LRP1B: variants seen among roughly 807,000 people sequenced by gnomAD.
The protein encoded by LRP1B is LDL receptor related protein 1B, also known as low-density lipoprotein receptor-related protein 1B.
In LRP1B, 217 loss-of-function variants were observed where a neutral mutation model predicts 556.6. The ratio of observed to expected loss-of-function variants is 0.39; its 90% CI spans 0.35 to 0.44. The LOEUF is 0.44. Ranked by LOEUF, LRP1B falls within the 20% of genes least tolerant of loss-of-function variation. The pLI, the probability that LRP1B is intolerant of heterozygous loss-of-function variation, is 1.00. For missense variants in LRP1B, 5,053 were observed against 5,620.8 expected (o/e 0.90, Z 3.23); for synonymous variants, 2,047 against 1,865.8 (o/e 1.10, Z -2.50).
chr2:141,261,175 G>A (rs1684669442), intron 3 of LRP1B, among the ~76,000 whole-genome samples: 1 of 152,102 alleles, frequency 6.6e-6, no homozygotes, highest in African/African-American at 2.4e-5. Flanking sequence ...GTAAAATGCA[G>A]TGTGAGCTGG....
chr2:140,375,824 A>G (rs914179898), intron 68 of LRP1B, among the ~76,000 whole-genome samples: 14 of 152,240 alleles, frequency 9.2e-5, no homozygotes, highest in African/African-American at 3.4e-4. Context: ...TGTGTGTGCC[A>G]CAGAGATAAA....
At chr2:140,856,582 C>A (rs1186136281) in intron 27 of LRP1B, among the ~76,000 whole-genome samples, 1 of 152,078 alleles carries the variant, frequency 6.6e-6, no homozygotes, top group East Asian at 1.9e-4. Context: ...GCTACTATAA[C>A]ACAAAAGCAG....
intron 85 of LRP1B, among the ~76,000 whole-genome samples, chr2:140,272,277 A>T (rs1682497655): frequency 6.6e-6 from 1 of 151,506 alleles, no homozygotes; most frequent in Admixed American, 6.6e-5. Context: ...ACACACACAC[A>T]CACACACACA....
At position 140,907,917 on chromosome 2, in the gene LRP1B, T is replaced by C. The variant is rs755784459; in HGVS notation, c.3480A>G (p.Lys1160=). The change falls in exon 22 of 91, where the codon AAA becomes AAG. Residue 1160 remains lysine, a synonymous_variant. Transcript: ENST00000389484. The part of the protein sequence containing the change: ...CLQPEKLCNG[K]KDCPDGSDEG... ...CATCAGAGCCATCAGGACAATCCTT[T>C]TTCCCATTGCAGAGTTTCTCTGGCT... 15 of 1,613,464 alleles carry C rather than the reference T, an allele frequency of 9.3e-6. No homozygotes were observed. The South Asian group carries it at 1.6e-4, about 18-fold the overall frequency.
chr2:140,746,851 A>G (rs1279897007), intron 35 of LRP1B, among the ~76,000 whole-genome samples: 1 of 152,122 alleles, frequency 6.6e-6, no homozygotes, highest in Non-Finnish European at 1.5e-5. Flanking sequence ...CATTAACAAC[A>G]AAGAAGAATA....
At chr2:141,441,792 G>A (rs1470181259) in intron 3 of LRP1B, among the ~76,000 whole-genome samples, 3 of 152,156 alleles carry the variant, frequency 2.0e-5, no homozygotes, top group Non-Finnish European at 4.4e-5. Flanking sequence ...CTACAGTCTT[G>A]AAAGATTTTC....
intron 86 of LRP1B, among the ~76,000 whole-genome samples, chr2:140,269,024 AT>A (rs1682335630): frequency 6.6e-6 from 1 of 151,992 alleles, no homozygotes; most frequent in African/African-American, 2.4e-5. Context: ...TAGCAAATGT[AT>A]TTTTATTAGA....
intron 3 of LRP1B, among the ~76,000 whole-genome samples, chr2:141,311,266 T>C (rs897606055): frequency 6.6e-6 from 1 of 152,184 alleles, no homozygotes; most frequent in South Asian, 2.1e-4. Flanking sequence ...TTTGTTGTAA[T>C]CTTTTTTCTC....
At chr2:140,822,503 T>C (rs2105057199) in intron 31 of LRP1B, among the ~76,000 whole-genome samples, 1 of 152,312 alleles carries the variant, frequency 6.6e-6, no homozygotes, top group Admixed American at 6.5e-5. Context: ...ATAAAAACAA[T>C]TCCTCAAACT....
intron 43 of LRP1B, among the ~76,000 whole-genome samples, chr2:140,583,769 A>AT (rs55717381): frequency 0.22 from 33,757 of 151,848 alleles, 3,891 homozygotes; most frequent in Admixed American, 0.29. Context: ...CTTGATTTTT[A>AT]TTTTTTTATA....
At chr2:141,491,188 C>T (rs1443857269) in intron 2 of LRP1B, among the ~76,000 whole-genome samples, 1 of 152,080 alleles carries the variant, frequency 6.6e-6, no homozygotes, top group Non-Finnish European at 1.5e-5. Flanking sequence ...AAAGTTGGCT[C>T]TCTGACTTTT....
intron 2 of LRP1B, among the ~76,000 whole-genome samples, chr2:141,784,140 A>T (rs1014495607): frequency 7.2e-5 from 11 of 151,972 alleles, no homozygotes; most frequent in Non-Finnish European, 1.6e-4. Flanking sequence ...TCCTTGACAG[A>T]TATACAAGGT....
At chr2:141,224,259 T>C (rs1683157253) in intron 6 of LRP1B, among the ~76,000 whole-genome samples, 1 of 152,150 alleles carries the variant, frequency 6.6e-6, no homozygotes, top group Non-Finnish European at 1.5e-5. Context: ...TCAACATCAC[T>C]GATTAGAGAA....
intron 2 of LRP1B, among the ~76,000 whole-genome samples, chr2:141,616,239 A>T (rs1223732411): frequency 6.6e-6 from 1 of 151,488 alleles, no homozygotes; most frequent in Non-Finnish European, 1.5e-5. Context: ...CTGAGATTGC[A>T]CCACTGCACT....
chr2:140,645,188 T>C (rs937976563), intron 41 of LRP1B, among the ~76,000 whole-genome samples: 12 of 152,160 alleles, frequency 7.9e-5, no homozygotes, highest in African/African-American at 2.9e-4. Context: ...TTTGTTCTGA[T>C]TGTGCCTCTG....
At chr2:140,349,506 TATTA>T (rs927911058) in intron 77 of LRP1B, among the ~76,000 whole-genome samples, 22 of 151,908 alleles carry the variant, frequency 1.4e-4, no homozygotes, top group African/African-American at 5.1e-4. Context: ...GTATATTATT[TATTA>T]GTTGTATGTA....
In LRP1B at chr2:141,978,788, A is replaced by T. The variant is rs115357106; in HGVS notation, c.82+151860T>A. On this transcript the variant is annotated intron_variant, in intron 1 of 90. Coordinates refer to ENST00000389484, the MANE Select transcript of LRP1B (RefSeq NM_018557.3). ...TAGCTTATTTGATCCAGAACTGTCC[A>T]TTACTATAGGTTTGTTTTTACATTT... is the stretch of plus-strand genomic sequence containing the variant. 3.9e-3 allele frequency among the ~76,000 whole-genome samples: 589 copies of T among 152,142 alleles called. 8 individuals are homozygous for T. The highest frequency in any genetic ancestry group is 0.014 in the African/African-American group (566 of 41,558).
At chr2:140,567,070 T>A (rs1464804700) in intron 43 of LRP1B, among the ~76,000 whole-genome samples, 1 of 152,036 alleles carries the variant, frequency 6.6e-6, no homozygotes, top group Admixed American at 6.6e-5. Context: ...CCACATTCCA[T>A]GGAAACAAAA....
In LRP1B at chr2:140,653,591, T is replaced by C. The variant is rs538837299; in HGVS notation, c.6799+46659A>G. Among the ~76,000 whole-genome samples, 8 of 152,232 alleles carry C rather than the reference T, an allele frequency of 5.3e-5. No individual in the cohort carries two copies. In the South Asian group the frequency reaches 1.0e-3, roughly 20 times the overall value. On this transcript the variant is annotated intron_variant, in intron 41 of 90. Transcript: ENST00000389484. ...ATTGGGCTGTAAAGTCTGCAAGCTA[T>C]GTAAGAAAACAAGTTTTTTCATATT...
Sources: gnomAD v4.1 joint callset for allele counts (sites outside exome capture counted in the v4.1 genomes callset) on GRCh38, gnomAD v4.1.1 for gene constraint, MANE v1.5 for transcripts, NCBI Gene and HGNC (gene_info 2026-07-23, HGNC 2026-07-21) for gene names.